The following KDM4B variants were observed in gnomAD, a reference collection of about 807,000 sequenced individuals.
KDM4B encodes the protein lysine-specific demethylase 4B.
Under a neutral mutation model 125.2 loss-of-function variants are expected in KDM4B, and 32 were observed. That is an observed-to-expected ratio of 0.26 (90% CI 0.19 to 0.34). The LOEUF is 0.34. Ranked by LOEUF, KDM4B falls within the 10% of genes least tolerant of loss-of-function variation. The pLI is 1.00. For synonymous variants in KDM4B, 721 were observed against 677.9 expected (o/e 1.06, Z -0.99); for missense variants, 1,190 against 1,577.7 (o/e 0.75, Z 4.16).
chr19:5,018,314 C>A (rs2035956774), intron 2 of KDM4B, among the ~76,000 whole-genome samples: 1 of 152,236 alleles, frequency 6.6e-6, no homozygotes, highest in African/African-American at 2.4e-5. Flanking sequence ...AGGCGTGAGT[C>A]ACCTCATCCT....
intron 3 of KDM4B, among the ~76,000 whole-genome samples, chr19:5,038,555 T>C (rs2036704399): frequency 6.6e-6 from 1 of 152,210 alleles, no homozygotes; most frequent in Admixed American, 6.5e-5. Context: ...TGCTGGTCCT[T>C]GTCTTCCTCT....
intron 6 of KDM4B, among the ~76,000 whole-genome samples, chr19:5,054,833 A>G (rs1410146179): frequency 1.3e-5 from 2 of 152,218 alleles, no homozygotes; most frequent in Non-Finnish European, 2.9e-5. Context: ...TCCCCTCCCC[A>G]GCCCTCATCA....
intron 6 of KDM4B, among the ~76,000 whole-genome samples, chr19:5,059,572 C>T (rs1210520138): frequency 6.6e-6 from 1 of 152,198 alleles, no homozygotes; most frequent in Admixed American, 6.5e-5. Flanking sequence ...AGACTTAGGT[C>T]ATAGGAACAG....
chr19:5,021,106 C>G (rs1009172194), intron 2 of KDM4B, among the ~76,000 whole-genome samples: 2 of 150,946 alleles, frequency 1.3e-5, no homozygotes, highest in African/African-American at 4.9e-5. Context: ...GATCGCACCA[C>G]TGCACTCCAC....
intron 6 of KDM4B, among the ~76,000 whole-genome samples, chr19:5,068,661 G>A (rs1323578541): frequency 6.6e-6 from 1 of 152,220 alleles, no homozygotes; most frequent in Non-Finnish European, 1.5e-5. Flanking sequence ...TCCGAGTGGC[G>A]GGAGGTGCAG....
chr19:5,039,287 T>G (rs555014708), intron 3 of KDM4B, among the ~76,000 whole-genome samples: 21 of 152,166 alleles, frequency 1.4e-4, no homozygotes, highest in African/African-American at 5.1e-4. Flanking sequence ...CTAGAGAAAA[T>G]TAAAATTTTT....
intron 7 of KDM4B, chr19:5,074,438 A>G (rs1018196296): frequency 5.9e-5 from 9 of 152,254 alleles, no homozygotes; most frequent in Non-Finnish European, 1.0e-4. Context: ...CTGTGCTCCA[A>G]ATGGGCTCAC....
rs1452990403 is a variant in KDM4B, at chr19:5,039,995, C to T, written c.301C>T (p.Leu101=). 1 of 1,611,268 alleles carries T rather than the reference C, an allele frequency of 6.2e-7. No homozygotes were observed. The highest frequency in any genetic ancestry group is 1.7e-5 in the Admixed American group (1 of 59,954). Residue 101 remains leucine, a synonymous_variant, in exon 4 of 23, where the codon CTG becomes TTG. Coordinates refer to ENST00000159111, the MANE Select transcript of KDM4B (RefSeq NM_015015.3). ...CATGACAGTGGGCGAGTACCGCCGC[C>T]TGGCCAACAGCGAGAAGTACGCGGG... The part of the protein sequence containing the change: ...KAMTVGEYRR[L]ANSEKYCTPR...
At chr19:4,986,533 G>A (rs542310856) in intron 1 of KDM4B, among the ~76,000 whole-genome samples, 1 of 152,190 alleles carries the variant, frequency 6.6e-6, no homozygotes, top group Non-Finnish European at 1.5e-5. Context: ...ACAGAGGAGG[G>A]CTCGGGAGGC....
chr19:5,086,502 G>GGCGTCT (rs1251409944), intron 9 of KDM4B, among the ~76,000 whole-genome samples: 6 of 152,228 alleles, frequency 3.9e-5, no homozygotes, highest in Admixed American at 3.9e-4. Context: ...GCATGGAGGT[G>GGCGTCT]GCGTCTGCGT....
Position 5,151,657 on chromosome 19 carries a change from G to A in KDM4B, c.*146G>A, listed in dbSNP as rs2039951026. Reference sequence around the variant, plus strand: ...GCGGGTGCCCCCTAGGGCGACAGGAGCCAGCGGGACGCCGCACGCGGCCCC... The same window carrying A: ...GCGGGTGCCCCCTAGGGCGACAGGAACCAGCGGGACGCCGCACGCGGCCCC... On this transcript the variant is annotated 3_prime_UTR_variant, in exon 23 of 23. Transcript: ENST00000159111. 1 of 690,752 alleles carries A rather than the reference G, an allele frequency of 1.4e-6. No homozygotes were observed. Among genetic ancestry groups the A allele is most frequent in the Non-Finnish European group, 2.0e-6 (1 of 491,676 alleles). The allele number at this position is 690,752 out of a possible 1,614,324, so 42.8% of individuals were successfully genotyped here. A position where few individuals can be genotyped will look rare whatever the true frequency, so the allele number is the denominator to read the frequency against.
intron 2 of KDM4B, among the ~76,000 whole-genome samples, chr19:5,028,762 G>A (rs943742136): frequency 1.3e-5 from 2 of 152,172 alleles, no homozygotes; most frequent in Non-Finnish European, 2.9e-5. Flanking sequence ...TTCTGATTCT[G>A]CCATCCTGGT....
In KDM4B at chr19:4,971,204, G is replaced by T. The variant is rs946889962; in HGVS notation, c.-109+1974G>T. ...TGCTAACAAGATGTTAACTGCTGGC[G>T]CTTAAAGGTATAGCTGATCAGCCAC... On this transcript the variant is annotated intron_variant, in intron 1 of 22. Coordinates refer to ENST00000159111, the MANE Select transcript of KDM4B (RefSeq NM_015015.3). The surrounding 1 kb of genome is among the most constrained non-coding windows in gnomAD (Gnocchi z 4.1). Among the ~76,000 whole-genome samples, 1 of 152,040 alleles carries T rather than the reference G, an allele frequency of 6.6e-6. No homozygotes were observed. Among genetic ancestry groups the T allele is most frequent in the Non-Finnish European group, 1.5e-5 (1 of 67,998 alleles).
Position 4,971,858 on chromosome 19 carries a change from G to A in KDM4B, c.-109+2628G>A, listed in dbSNP as rs946022491. On this transcript the variant is annotated intron_variant, in intron 1 of 22. Transcript: ENST00000159111. The surrounding 1 kb of genome is among the most constrained non-coding windows in gnomAD (Gnocchi z 4.1). Reference sequence around the variant, plus strand: ...CTGGGTGACCTTGACCCAGTCACTTGCTCAGTGACAAAGCAGATCGGGGGC... The same window carrying A: ...CTGGGTGACCTTGACCCAGTCACTTACTCAGTGACAAAGCAGATCGGGGGC... 8.6e-5 allele frequency among the ~76,000 whole-genome samples: 13 copies of A among 151,742 alleles called. No individual in the cohort carries two copies. Among genetic ancestry groups the A allele is most frequent in the Non-Finnish European group, 1.8e-4 (12 of 67,968 alleles).
At position 5,151,498 on chromosome 19, in the gene KDM4B, G is replaced by A; in HGVS notation, c.3278G>A (p.Gly1093Glu). The A allele has an allele frequency of 6.9e-7, 1 of 1,443,392 alleles. No individual in the cohort carries two copies. 89.4% of individuals were successfully genotyped at this position (1,443,392 alleles called of 1,614,324 possible). A position where few individuals can be genotyped will look rare whatever the true frequency, so the allele number is the denominator to read the frequency against. ...CTCCTGCAGGTGCAGGGCCGGCCCG[G>A]AGCCCCCTTCTAGGACAGCTGGCCG... ...ESLLQVQGRPGAPF is the reference protein window; with the variant it reads ...ESLLQVQGRPEAPF Residue 1093 changes from glycine to glutamate, a missense_variant, in exon 23 of 23, where the codon GGA becomes GAA. Transcript: ENST00000159111.
chr19:5,083,897 A>T (rs1267765155), intron 9 of KDM4B, among the ~76,000 whole-genome samples: 2 of 152,168 alleles, frequency 1.3e-5, no homozygotes, highest in African/African-American at 4.8e-5. Context: ...GGGAGGTGTG[A>T]TAGGAGAGAC....
rs541766775 is a variant in KDM4B, at chr19:5,081,241, C to T, written c.781-1126C>T. ...CCACGTCTGTGGATTGGGCCCACAGCCCCACCTCCTAGAAGCCCTTGGCCT... is the reference window on the plus strand; with the variant it reads ...CCACGTCTGTGGATTGGGCCCACAGTCCCACCTCCTAGAAGCCCTTGGCCT... On this transcript the variant is annotated intron_variant, in intron 8 of 22. Transcript: ENST00000159111. This position sits in a 1 kb window ranked among gnomAD's most constrained non-coding sequence, Gnocchi z 4.2. Among the ~76,000 whole-genome samples the T allele has an allele frequency of 4.6e-5, 7 of 152,318 alleles. No homozygotes were observed. The highest frequency in any genetic ancestry group is 8.8e-5 in the Non-Finnish European group (6 of 68,012).
chr19:4,990,902 C>T (rs1045364180), intron 1 of KDM4B, among the ~76,000 whole-genome samples: 1 of 151,984 alleles, frequency 6.6e-6, no homozygotes, highest in Non-Finnish European at 1.5e-5. Context: ...GGGCGGACCA[C>T]CTGAGATCAG....
At chr19:5,136,740 A>G (rs2039655159) in intron 15 of KDM4B, among the ~76,000 whole-genome samples, 1 of 151,946 alleles carries the variant, frequency 6.6e-6, no homozygotes. Context: ...CCCCTTCCAC[A>G]CTGGGGGCAG....
Sources: allele counts gnomAD v4.1 joint callset (sites outside exome capture counted in the v4.1 genomes callset), GRCh38; gene constraint gnomAD v4.1.1; non-coding constraint Gnocchi (gnomAD v3.1); transcripts MANE v1.5; gene names NCBI Gene and HGNC (gene_info 2026-07-23, HGNC 2026-07-21).